Variants in PDSS2 observed in about 807,000 individuals in gnomAD.
The protein encoded by PDSS2 is all trans-polyprenyl-diphosphate synthase PDSS2.
Under a neutral mutation model 44.5 loss-of-function variants are expected in PDSS2, and 31 were observed. The ratio of observed to expected loss-of-function variants is 0.70; its 90% CI spans 0.52 to 0.94. The LOEUF (loss-of-function observed/expected upper bound fraction) is 0.94. Ranked by LOEUF, PDSS2 falls within the 40% of genes least tolerant of loss-of-function variation. The probability of loss-of-function intolerance (pLI) is 0.00; values close to 1 mark genes in which losing one functional copy is unlikely to be tolerated. For missense variants in PDSS2, 452 were observed against 482.2 expected (o/e 0.94, Z 0.59); for synonymous variants, 157 against 180.3 (o/e 0.87, Z 1.03).
chr6:107,154,541 C>T lies in PDSS2; in HGVS notation c.*78G>A. On this transcript the variant is annotated 3_prime_UTR_variant, in exon 8 of 8. Coordinates refer to ENST00000369037, the MANE Select transcript of PDSS2 (RefSeq NM_020381.4). ...GCATATGTTTTAAAAGTCATTAACG[C>T]ATCGTGAAAGCGCTCCCAATCAACC... 1 of 1,287,852 alleles carries T rather than the reference C, an allele frequency of 7.8e-7. No individual in the cohort carries two copies. Among genetic ancestry groups the T allele is most frequent in the South Asian group, 1.2e-5 (1 of 83,680 alleles). The allele number at this position is 1,287,852 out of a possible 1,614,324, so 79.8% of individuals were successfully genotyped here.
intron 1 of PDSS2, among the ~76,000 whole-genome samples, chr6:107,382,141 A>G (rs1464360208): frequency 6.6e-6 from 1 of 152,240 alleles, no homozygotes; most frequent in Non-Finnish European, 1.5e-5. Flanking sequence ...ACTAGAATAT[A>G]AGGTCGACAA....
chr6:107,304,977 A>T (rs1370328477), intron 2 of PDSS2, among the ~76,000 whole-genome samples: 1 of 151,252 alleles, frequency 6.6e-6, no homozygotes, highest in African/African-American at 2.4e-5. Flanking sequence ...TCCCCTCTTT[A>T]TCCCCCAGCC....
intron 2 of PDSS2, among the ~76,000 whole-genome samples, chr6:107,295,962 A>T (rs1006736176): frequency 1.3e-5 from 2 of 152,146 alleles, no homozygotes; most frequent in Non-Finnish European, 2.9e-5. Flanking sequence ...ATGCTCTTAA[A>T]CTCAAGTAAG....
At chr6:107,318,290 T>A (rs1351092880) in intron 2 of PDSS2, among the ~76,000 whole-genome samples, 1 of 152,088 alleles carries the variant, frequency 6.6e-6, no homozygotes, top group African/African-American at 2.4e-5. Context: ...AGTAGCTATC[T>A]ACTTCAACAA....
intron 2 of PDSS2, among the ~76,000 whole-genome samples, chr6:107,315,892 C>G: frequency 6.6e-6 from 1 of 152,028 alleles, no homozygotes; most frequent in Non-Finnish European, 1.5e-5. Flanking sequence ...GAGGCTGGGG[C>G]GGGATCATTT....
chr6:107,402,369 C>G (rs59193177), intron 1 of PDSS2, among the ~76,000 whole-genome samples: 2,641 of 136,942 alleles, frequency 0.019, 76 homozygotes, highest in East Asian at 0.13. Flanking sequence ...AACAATCAAA[C>G]GTATAAATCA....
intron 4 of PDSS2, among the ~76,000 whole-genome samples, chr6:107,213,455 T>C (rs1348735087): frequency 1.3e-5 from 2 of 151,176 alleles, no homozygotes; most frequent in Admixed American, 6.6e-5. Context: ...CAGTTTACCC[T>C]CTATCTTAAA....
chr6:107,418,690 G>T (rs957506172), intron 1 of PDSS2, among the ~76,000 whole-genome samples: 1 of 152,072 alleles, frequency 6.6e-6, no homozygotes, highest in African/African-American at 2.4e-5. Flanking sequence ...CAGGAGAATC[G>T]CTTGAACCTG....
chr6:107,270,324 C>T (rs897374121), intron 3 of PDSS2, among the ~76,000 whole-genome samples: 1 of 151,906 alleles, frequency 6.6e-6, no homozygotes, highest in African/African-American at 2.4e-5. Context: ...CTTGGTCAGG[C>T]TGGTCTCGAA....
chr6:107,453,516 G>T lies in PDSS2; in HGVS notation c.296+5474C>A, dbSNP rs992397001. Among the ~76,000 whole-genome samples the T allele has an allele frequency of 6.0e-5, 9 of 151,130 alleles. No individual in the cohort carries two copies. The East Asian group carries it at 1.7e-3, about 29-fold the overall frequency. On this transcript the variant is annotated intron_variant, in intron 1 of 7. Transcript: ENST00000369037. Reference sequence around the variant, plus strand: ...GTTTTTGCACTTTTGTTAAAAATCAGTTGGGCATATTTGTGTTAATCTATT... The same window carrying T: ...GTTTTTGCACTTTTGTTAAAAATCATTTGGGCATATTTGTGTTAATCTATT...
chr6:107,291,348 ATTTT>A (rs139519390), intron 2 of PDSS2, among the ~76,000 whole-genome samples: 3 of 132,452 alleles, frequency 2.3e-5, no homozygotes, highest in Admixed American at 7.6e-5. Flanking sequence ...TTATTTTATA[ATTTT>A]TTTTTTTTTT....
chr6:107,341,273 G>A (rs1778070636), intron 1 of PDSS2, among the ~76,000 whole-genome samples: 1 of 152,004 alleles, frequency 6.6e-6, no homozygotes, highest in Non-Finnish European at 1.5e-5. Context: ...CATTGGGGAG[G>A]GATCAGAAAG....
chr6:107,358,452 T>C (rs1778657176), intron 1 of PDSS2, among the ~76,000 whole-genome samples: 1 of 152,232 alleles, frequency 6.6e-6, no homozygotes, highest in Non-Finnish European at 1.5e-5. Context: ...CAATTTTTGG[T>C]TTATTCACTT....
chr6:107,157,237 C>A (rs949965267), intron 7 of PDSS2, among the ~76,000 whole-genome samples: 1 of 151,500 alleles, frequency 6.6e-6, no homozygotes, highest in Non-Finnish European at 1.5e-5. Context: ...CAGGCTGGAG[C>A]GCAGTGGTGT....
At chr6:107,332,201 C>T (rs1227184623) in intron 2 of PDSS2, among the ~76,000 whole-genome samples, 2 of 151,468 alleles carry the variant, frequency 1.3e-5, no homozygotes, top group Non-Finnish European at 2.9e-5. Context: ...GACTCCAAGG[C>T]TCAAGCGATC....
At chr6:107,458,824 G>C (rs1782142354) in intron 1 of PDSS2, among the ~76,000 whole-genome samples, 166 bp downstream of exon 1, 1 of 152,156 alleles carries the variant, frequency 6.6e-6, no homozygotes, top group Non-Finnish European at 1.5e-5. Context: ...ACGTTAAGTG[G>C]ACTAGAGAAG....
At chr6:107,190,314 C>T (rs1172023822) in intron 7 of PDSS2, among the ~76,000 whole-genome samples, 1 of 152,178 alleles carries the variant, frequency 6.6e-6, no homozygotes, top group East Asian at 1.9e-4. Context: ...AACCAATGCC[C>T]TATCCCCCGA....
At chr6:107,394,046 G>A (rs1209526721) in intron 1 of PDSS2, among the ~76,000 whole-genome samples, 2 of 152,154 alleles carry the variant, frequency 1.3e-5, no homozygotes. Context: ...ACCACTTAGA[G>A]TTAATTTAAT....
chr6:107,351,331 A>G (rs1778429235), intron 1 of PDSS2, among the ~76,000 whole-genome samples: 1 of 152,214 alleles, frequency 6.6e-6, no homozygotes, highest in Non-Finnish European at 1.5e-5. Context: ...TATCATCTTG[A>G]TATCAAAAGT....
Sources: gnomAD v4.1 joint callset for allele counts (sites outside exome capture counted in the v4.1 genomes callset) on GRCh38, gnomAD v4.1.1 for gene constraint, MANE v1.5 for transcripts, NCBI Gene and HGNC (gene_info 2026-07-23, HGNC 2026-07-21) for gene names.